Variants in ARID5B observed in about 807,000 individuals in gnomAD.
ARID5B encodes AT-rich interactive domain-containing protein 5B.
ARID5B carries 13 observed loss-of-function variants against 97.2 expected under a neutral mutation model. The ratio of observed to expected loss-of-function variants is 0.13; its 90% CI spans 0.09 to 0.21. ARID5B has a LOEUF of 0.21. Ranked by LOEUF, ARID5B falls within the 10% of genes least tolerant of loss-of-function variation. The pLI, the probability that ARID5B is intolerant of heterozygous loss-of-function variation, is 1.00. For missense variants in ARID5B, 1,210 were observed against 1,465.3 expected (o/e 0.83, Z 2.84); for synonymous variants, 556 against 570.3 (o/e 0.97, Z 0.36).
intron 5 of ARID5B, among the ~76,000 whole-genome samples, chr10:62,052,063 A>G (rs1839797682): frequency 6.6e-6 from 1 of 152,192 alleles, no homozygotes; most frequent in African/African-American, 2.4e-5. Flanking sequence ...TCATTGTTTC[A>G]TTAGGAAATT....
In ARID5B at chr10:62,070,780, T is replaced by C. The variant is rs556410169; in HGVS notation, c.1199+983T>C. Among the ~76,000 whole-genome samples the C allele has an allele frequency of 2.9e-4, 44 of 152,336 alleles. 2 individuals carry two copies. The highest frequency in any genetic ancestry group is 6.2e-4 in the South Asian group (3 of 4,828). Reference sequence around the variant, plus strand: ...TGTAATTCAGAAGGATTTTTAAAAATTGATAATAGATGTTCAAATTATTAC... The same window carrying C: ...TGTAATTCAGAAGGATTTTTAAAAACTGATAATAGATGTTCAAATTATTAC... On this transcript the variant is annotated intron_variant, in intron 8 of 9. Coordinates refer to ENST00000279873, the MANE Select transcript of ARID5B (RefSeq NM_032199.3).
chr10:61,918,805 G>A (rs535343498), intron 2 of ARID5B, among the ~76,000 whole-genome samples: 2 of 149,950 alleles, frequency 1.3e-5, no homozygotes, highest in African/African-American at 4.8e-5. Flanking sequence ...AGGCTGAGGT[G>A]GGCAGATCAC....
chr10:62,004,519 G>C (rs1379655073), intron 4 of ARID5B, among the ~76,000 whole-genome samples: 1 of 152,162 alleles, frequency 6.6e-6, no homozygotes, highest in Non-Finnish European at 1.5e-5. Flanking sequence ...TTCTTCATAA[G>C]AATCTTTATT....
intron 3 of ARID5B, among the ~76,000 whole-genome samples, chr10:61,980,532 ATTG>A (rs1263891700): frequency 5.9e-5 from 9 of 152,206 alleles, no homozygotes; most frequent in Non-Finnish European, 1.3e-4. Flanking sequence ...GCAAATGTGA[ATTG>A]TTGTTTATTT....
intron 2 of ARID5B, among the ~76,000 whole-genome samples, chr10:61,916,489 C>T (rs1366833265): frequency 6.6e-6 from 1 of 152,050 alleles, no homozygotes; most frequent in East Asian, 1.9e-4. Flanking sequence ...AAAACTAGGT[C>T]CTGACAGATT....
intron 2 of ARID5B, among the ~76,000 whole-genome samples, chr10:61,915,617 C>T (rs137908081): frequency 7.9e-5 from 12 of 152,248 alleles, no homozygotes; most frequent in African/African-American, 2.9e-4. Flanking sequence ...GTCTAGGTAT[C>T]ATCTAGACAC....
intron 5 of ARID5B, among the ~76,000 whole-genome samples, chr10:62,051,587 T>G (rs1028969854): frequency 6.6e-6 from 1 of 152,222 alleles, no homozygotes; most frequent in Admixed American, 6.5e-5. Flanking sequence ...GAAAGTAAAT[T>G]CTACGCTGTT....
intron 2 of ARID5B, among the ~76,000 whole-genome samples, chr10:61,931,545 A>T (rs556794431): frequency 6.6e-6 from 1 of 152,226 alleles, no homozygotes; most frequent in African/African-American, 2.4e-5. Flanking sequence ...TGTGAAAGAC[A>T]CTATTACGAG....
intron 7 of ARID5B, 131 bp downstream of exon 7, chr10:62,059,426 G>A (rs1298654207): frequency 4.4e-6 from 3 of 676,486 alleles, no homozygotes; most frequent in Non-Finnish European, 7.3e-6. Context: ...ACTTTTGGGG[G>A]TTTATTGGGC....
At chr10:61,982,875 AC>A (rs1291828000) in intron 3 of ARID5B, among the ~76,000 whole-genome samples, 3 of 152,080 alleles carry the variant, frequency 2.0e-5, no homozygotes, top group African/African-American at 4.8e-5. Context: ...TAAGAAATAA[AC>A]CCCCGCCAAG....
chr10:61,916,331 TG>T (rs1384169706), intron 2 of ARID5B, among the ~76,000 whole-genome samples: 6 of 152,232 alleles, frequency 3.9e-5, no homozygotes, highest in African/African-American at 1.4e-4. Context: ...CGTTTACAAA[TG>T]GTCTCTGGCA....
At chr10:62,055,853 T>A (rs2132937831) in intron 5 of ARID5B, among the ~76,000 whole-genome samples, 1 of 149,764 alleles carries the variant, frequency 6.7e-6, no homozygotes, top group African/African-American at 2.5e-5. Flanking sequence ...TAGTCTTTTA[T>A]GTTCTTAATG....
chr10:61,981,825 A>C lies in ARID5B; in HGVS notation c.503-18266A>C, dbSNP rs1261952949. 2.0e-5 allele frequency among the ~76,000 whole-genome samples: 3 copies of C among 152,162 alleles called. No homozygotes were observed. The South Asian group carries it at 6.2e-4, about 31-fold the overall frequency. On this transcript the variant is annotated intron_variant, in intron 3 of 9. Transcript: ENST00000279873. ...TCTGTTACATTATGTTGGTCATCCA[A>C]GGATGCATTAAGCAGAAAAGAAACA...
chr10:61,978,855 T>C (rs896045066), intron 3 of ARID5B, among the ~76,000 whole-genome samples: 2 of 152,216 alleles, frequency 1.3e-5, no homozygotes, highest in African/African-American at 4.8e-5. Context: ...CCTTTATTTC[T>C]TTCTCCTGCC....
intron 3 of ARID5B, among the ~76,000 whole-genome samples, chr10:61,989,097 T>G (rs111715349): frequency 0.012 from 1,895 of 152,004 alleles, 23 homozygotes; most frequent in Non-Finnish European, 0.022. Flanking sequence ...GCCTGGCTAA[T>G]TTTTTGTATT....
chr10:61,946,512 G>C (rs1367525802), intron 3 of ARID5B, among the ~76,000 whole-genome samples: 1 of 152,034 alleles, frequency 6.6e-6, no homozygotes, highest in African/African-American at 2.4e-5. Context: ...TGGATTGCTG[G>C]CCTAAGTCTA....
intron 8 of ARID5B, among the ~76,000 whole-genome samples, chr10:62,083,019 AG>A (rs973400214): frequency 3.9e-5 from 6 of 151,984 alleles, no homozygotes; most frequent in South Asian, 2.1e-4. Flanking sequence ...ATGATTTAGA[AG>A]GGGGGGAAAA....
chr10:62,037,793 C>A (rs755956034), intron 4 of ARID5B, among the ~76,000 whole-genome samples: 3 of 152,188 alleles, frequency 2.0e-5, no homozygotes, highest in Non-Finnish European at 2.9e-5. Flanking sequence ...TGCTAAAGAA[C>A]TCCCAGCTGT....
rs1304126834 is a variant in ARID5B, at chr10:62,096,129, T to C, written c.*3099T>C. The stretch of plus-strand genomic sequence containing the variant: ...TAATATTTGCCACAGGACTGACTTA[T>C]TTATTTACTAGCTAGAAGCTCTTAA... On this transcript the variant is annotated 3_prime_UTR_variant, in exon 10 of 10. Transcript: ENST00000279873. The C allele has an allele frequency of 1.7e-5, 4 of 233,496 alleles. No homozygotes were observed. The highest frequency in any genetic ancestry group is 3.6e-4 in the South Asian group (2 of 5,534). 14.5% of individuals were successfully genotyped at this position (233,496 alleles called of 1,614,324 possible).
Sources: gnomAD v4.1 joint callset for allele counts (sites outside exome capture counted in the v4.1 genomes callset) on GRCh38, gnomAD v4.1.1 for gene constraint, MANE v1.5 for transcripts, NCBI Gene and HGNC (gene_info 2026-07-23, HGNC 2026-07-21) for gene names.